The following OGFRL1 variants were observed in gnomAD, a reference collection of about 807,000 sequenced individuals.
OGFRL1 encodes opioid growth factor receptor-like protein 1.
Under a neutral mutation model 32.4 loss-of-function variants are expected in OGFRL1, and 26 were observed. The observed-to-expected ratio is 0.80, with a 90% CI of 0.59 to 1.11. OGFRL1 has a LOEUF of 1.11. Among genes scored for constraint, OGFRL1 ranks in the 50% most tolerant of loss-of-function variants. The pLI is 0.00. For missense variants in OGFRL1, 521 were observed against 546.4 expected (o/e 0.95, Z 0.46); for synonymous variants, 211 against 201.2 (o/e 1.05, Z -0.41).
intron 1 of OGFRL1, chr6:71,291,678 G>A (rs1766056082): frequency 6.6e-6 from 1 of 152,184 alleles, no homozygotes; most frequent in Non-Finnish European, 1.5e-5. Flanking sequence ...ACATTCTTAT[G>A]ATAATCCTGA....
In OGFRL1 at chr6:71,306,986, C is replaced by T. The variant is rs751897397; in HGVS notation, c.*4937C>T. 1 of 152,156 alleles carries T rather than the reference C, an allele frequency of 6.6e-6. No homozygotes were observed. Among genetic ancestry groups the T allele is most frequent in the Non-Finnish European group, 1.5e-5 (1 of 68,028 alleles). The allele number at this position is 152,156 out of a possible 1,614,324, so 9.4% of individuals were successfully genotyped here. On this transcript the variant is annotated 3_prime_UTR_variant, in exon 7 of 7. Coordinates refer to ENST00000370435, the MANE Select transcript of OGFRL1 (RefSeq NM_024576.5). Reference sequence around the variant, plus strand: ...AATCATTTTAAAAGCACTGTTCTTGCATTTTTCCTAGACTACAGAGAGTGT... The same window carrying T: ...AATCATTTTAAAAGCACTGTTCTTGTATTTTTCCTAGACTACAGAGAGTGT...
At chr6:71,299,481 A>G (rs1766317922) in intron 6 of OGFRL1, among the ~76,000 whole-genome samples, 2 of 152,204 alleles carry the variant, frequency 1.3e-5, no homozygotes, top group Admixed American at 1.3e-4. Context: ...GAGCATATAT[A>G]GATATAGTAA....
intron 4 of OGFRL1, 40 bp from the exon 5 acceptor site, chr6:71,296,455 C>A: frequency 6.3e-7 from 1 of 1,593,264 alleles, no homozygotes; most frequent in Non-Finnish European, 8.6e-7. Flanking sequence ...GTTTTCCAGA[C>A]AACGTTAATA....
In OGFRL1 at chr6:71,301,522, C is replaced by G; in HGVS notation, c.829C>G (p.Gln277Glu). The G allele has an allele frequency of 6.2e-7, 1 of 1,614,106 alleles. No individual in the cohort carries two copies. Among genetic ancestry groups the G allele is most frequent in the Non-Finnish European group, 8.5e-7 (1 of 1,180,014 alleles). Reference protein sequence around the residue: ...LVENTIPNIKQSALEYFVYTI... With the variant: ...LVENTIPNIKESALEYFVYTI... Reference sequence around the variant, plus strand: ...GGAGAATACTATTCCCAATATTAAGCAGAGTGCTCTAGAGTATTTTGTTTA... The same window carrying G: ...GGAGAATACTATTCCCAATATTAAGGAGAGTGCTCTAGAGTATTTTGTTTA... Residue 277 changes from glutamine to glutamate, a missense_variant, in exon 7 of 7, where the codon CAG becomes GAG. Gln to Glu is a conservative substitution (Grantham distance 29). Coordinates refer to ENST00000370435, the MANE Select transcript of OGFRL1 (RefSeq NM_024576.5).
At chr6:71,297,356 T>G (rs1766244302) in intron 6 of OGFRL1, among the ~76,000 whole-genome samples, 1 of 152,236 alleles carries the variant, frequency 6.6e-6, no homozygotes, top group Non-Finnish European at 1.5e-5. Flanking sequence ...AAACTCATTT[T>G]TGGGTAATAA....
intron 6 of OGFRL1, among the ~76,000 whole-genome samples, chr6:71,297,754 T>C (rs1488157903): frequency 6.6e-6 from 1 of 151,952 alleles, no homozygotes; most frequent in Non-Finnish European, 1.5e-5. Flanking sequence ...TGTGTTTTTA[T>C]AGAACTTTCA....
chr6:71,295,125 A>G (rs1766164441), intron 3 of OGFRL1: 1 of 152,096 alleles, frequency 6.6e-6, no homozygotes. Context: ...CCTCCCTAGT[A>G]TACACACACA....
At chr6:71,296,439 A>T (rs1450564123) in intron 4 of OGFRL1, 44 bp downstream of exon 4, 1 of 1,595,480 alleles carries the variant, frequency 6.3e-7, no homozygotes, top group Non-Finnish European at 8.6e-7. Flanking sequence ...CTATTTAATC[A>T]TGTATGTTTT....
chr6:71,298,132 G>C (rs1176868113), intron 6 of OGFRL1, among the ~76,000 whole-genome samples: 2 of 151,900 alleles, frequency 1.3e-5, no homozygotes, highest in African/African-American at 4.8e-5. Context: ...AAACGCTAAA[G>C]ATATGGGCAT....
At chr6:71,289,732 C>T (rs1765988405) in intron 1 of OGFRL1, 5 of 985,142 alleles carry the variant, frequency 5.1e-6, no homozygotes, top group African/African-American at 1.7e-5. Flanking sequence ...TCAGGGCATT[C>T]TTCACGAATC....
chr6:71,295,255 G>A (rs1404081205), intron 3 of OGFRL1: 2 of 152,060 alleles, frequency 1.3e-5, no homozygotes, highest in Non-Finnish European at 2.9e-5. Context: ...AGAGGTAAAT[G>A]GTTTCAACAT....
At position 71,306,421 on chromosome 6, in the gene OGFRL1, C is replaced by T. The variant is rs1488356853; in HGVS notation, c.*4372C>T. 1 of 152,038 alleles carries T rather than the reference C, an allele frequency of 6.6e-6. No individual in the cohort carries two copies. The highest frequency in any genetic ancestry group is 1.9e-4 in the East Asian group (1 of 5,194). 9.4% of individuals were successfully genotyped at this position (152,038 alleles called of 1,614,324 possible). On this transcript the variant is annotated 3_prime_UTR_variant, in exon 7 of 7. Transcript: ENST00000370435. ...GGGACAGAATGTGTTTTTAGAAATC[C>T]CTTATTATTGAAATGAATAATAATA... is the stretch of plus-strand genomic sequence containing the variant.
chr6:71,298,596 G>A (rs1470685670), intron 6 of OGFRL1, among the ~76,000 whole-genome samples: 1 of 152,136 alleles, frequency 6.6e-6, no homozygotes, highest in African/African-American at 2.4e-5. Flanking sequence ...GATTTCCAGG[G>A]TTGAGGCAGG....
At chr6:71,297,983 G>A (rs1472392027) in intron 6 of OGFRL1, among the ~76,000 whole-genome samples, 1 of 129,716 alleles carries the variant, frequency 7.7e-6, no homozygotes, top group African/African-American at 2.9e-5. Flanking sequence ...ACCCCGGTGT[G>A]TGATGTTCCC....
rs1766581303 is a variant in OGFRL1 at position 71,307,286 on chromosome 6, G to A, written c.*5237G>A. ...GTCCTCAGATTCTCCTCTGGATAAT[G>A]AGGGTGTTGGGCACTGTGAGCTCTG... On this transcript the variant is annotated 3_prime_UTR_variant, in exon 7 of 7. Coordinates refer to ENST00000370435, the MANE Select transcript of OGFRL1 (RefSeq NM_024576.5). The A allele has an allele frequency of 6.6e-6, 1 of 152,160 alleles. No individual in the cohort carries two copies. The highest frequency in any genetic ancestry group is 1.5e-5 in the Non-Finnish European group (1 of 68,052). The allele number at this position is 152,160 out of a possible 1,614,324, so 9.4% of individuals were successfully genotyped here.
chr6:71,299,244 C>T (rs1766309466), intron 6 of OGFRL1, among the ~76,000 whole-genome samples: 4 of 152,100 alleles, frequency 2.6e-5, no homozygotes, highest in Admixed American at 2.0e-4. Context: ...CTGTCTGGAA[C>T]CTCAGCTTCT....
chr6:71,295,541 A>T (rs1766178230), intron 3 of OGFRL1: 1 of 152,200 alleles, frequency 6.6e-6, no homozygotes, highest in African/African-American at 2.4e-5. Context: ...TTGGAACCAG[A>T]AAGACCTATG....
chr6:71,301,315 C>T (rs1190004772), intron 6 of OGFRL1, 71 bp from the exon 7 acceptor site: 3 of 1,266,110 alleles, frequency 2.4e-6, no homozygotes, highest in East Asian at 2.3e-5. Context: ...AATATTTTCC[C>T]AATAGTTTTC....
intron 6 of OGFRL1, among the ~76,000 whole-genome samples, chr6:71,299,200 T>A (rs1422929558): frequency 6.6e-6 from 1 of 152,148 alleles, no homozygotes; most frequent in Non-Finnish European, 1.5e-5. Context: ...CCTAGACTTC[T>A]TGCAATTTCA....
Sources: allele counts gnomAD v4.1 joint callset (sites outside exome capture counted in the v4.1 genomes callset), GRCh38; gene constraint gnomAD v4.1.1; transcripts MANE v1.5; gene names NCBI Gene and HGNC (gene_info 2026-07-23, HGNC 2026-07-21).